The following CCDC146 variants were observed in gnomAD, a reference collection of about 807,000 sequenced individuals.
CCDC146 encodes the protein coiled-coil domain-containing protein 146.
Under a neutral mutation model 119.3 loss-of-function variants are expected in CCDC146, and 92 were observed. That is an observed-to-expected ratio of 0.77 (90% confidence interval 0.65 to 0.92). The LOEUF (loss-of-function observed/expected upper bound fraction) is 0.92. Among genes scored for constraint, CCDC146 ranks in the 40% least tolerant of loss-of-function variants. The probability of loss-of-function intolerance (pLI) is 0.00; values close to 1 mark genes in which losing one functional copy is unlikely to be tolerated. For synonymous variants in CCDC146, 372 were observed against 371.8 expected (o/e 1.00, Z -0.01); for missense variants, 1,000 against 1,103.0 (o/e 0.91, Z 1.32).
At chr7:77,138,720 C>T (rs1174941695) in intron 1 of CCDC146, among the ~76,000 whole-genome samples, 1 of 152,096 alleles carries the variant, frequency 6.6e-6, no homozygotes, top group African/African-American at 2.4e-5. Context: ...AAGACCTTAA[C>T]AAAAATCTCA....
intron 1 of CCDC146, among the ~76,000 whole-genome samples, chr7:77,127,848 C>T (rs1370816018): frequency 1.3e-5 from 2 of 152,034 alleles, no homozygotes; most frequent in African/African-American, 4.8e-5. Context: ...TATGCCTCTT[C>T]ATCTTTTCGT....
chr7:77,245,699 A>T (rs185798326), intron 4 of CCDC146, among the ~76,000 whole-genome samples: 1 of 152,276 alleles, frequency 6.6e-6, no homozygotes, highest in East Asian at 1.9e-4. Context: ...TCCAGTGCTG[A>T]TAGCAAAGTT....
Position 77,289,282 on chromosome 7 carries a change from G to C in CCDC146, c.2415+1705G>C, listed in dbSNP as rs563652228. On this transcript the variant is annotated intron_variant, in intron 17 of 18. Transcript: ENST00000285871. ...AGCTGATGGCAGAGTCGCCTGGAAGGCAACAGTAATGCTAAAGAAATGTAC... is the reference window on the plus strand; with the variant it reads ...AGCTGATGGCAGAGTCGCCTGGAAGCCAACAGTAATGCTAAAGAAATGTAC... 9.2e-5 allele frequency among the ~76,000 whole-genome samples: 14 copies of C among 152,328 alleles called. No individual in the cohort carries two copies. The South Asian group carries it at 1.2e-3, about 14-fold the overall frequency.
intron 1 of CCDC146, among the ~76,000 whole-genome samples, chr7:77,142,883 A>C (rs1241023609): frequency 6.6e-6 from 1 of 151,822 alleles, no homozygotes; most frequent in East Asian, 1.9e-4. Flanking sequence ...ATATGTGTGC[A>C]TGTGTCTTTA....
chr7:77,129,312 G>A (rs2539125), intron 1 of CCDC146, among the ~76,000 whole-genome samples: 11 of 151,950 alleles, frequency 7.2e-5, no homozygotes, highest in East Asian at 1.9e-4. Flanking sequence ...CTCAGTGCTC[G>A]TATTCAAGTA....
In CCDC146 at chr7:77,274,555, A is replaced by T. The variant is rs747551050; in HGVS notation, c.1343A>T (p.Gln448Leu). Residue 448 changes from glutamine to leucine, a missense_variant, in exon 11 of 19, where the codon CAA (glutamine) becomes CTA (leucine). Around this residue, in one of 2 missense-constraint regions of CCDC146, gnomAD observed 985 missense variants for 1,045.3 expected, o/e 0.94. Transcript: ENST00000285871. ...LAEENKLLKEQENMKELVVNL... is the reference protein window; with the variant it reads ...LAEENKLLKELENMKELVVNL... ...GAAGAAAACAAGCTTTTAAAGGAGCAAGAAAACATGAAAGAGCTAGTAGTC... is the reference window on the plus strand; with the variant it reads ...GAAGAAAACAAGCTTTTAAAGGAGCTAGAAAACATGAAAGAGCTAGTAGTC... 6.2e-7 allele frequency: 1 copy of T among 1,613,160 alleles called. No individual in the cohort carries two copies. Among genetic ancestry groups the T allele is most frequent in the Non-Finnish European group, 8.5e-7 (1 of 1,179,420 alleles).
At chr7:77,199,754 G>A (rs759522830) in intron 2 of CCDC146, 1 of 1,614,050 alleles carries the variant, frequency 6.2e-7, no homozygotes, top group Non-Finnish European at 8.5e-7. Flanking sequence ...TAAGTGGCAA[G>A]AACAGCTGAG....
intron 1 of CCDC146, among the ~76,000 whole-genome samples, chr7:77,143,692 G>GT (rs1389780903): frequency 6.6e-6 from 1 of 151,710 alleles, no homozygotes; most frequent in Non-Finnish European, 1.5e-5. Context: ...TCCATTGCTT[G>GT]TTTTGTCAGT....
chr7:77,294,801 C>T lies in CCDC146; in HGVS notation c.2803C>T (p.Pro935Ser). The T allele has an allele frequency of 8.1e-6, 13 of 1,614,114 alleles. No individual in the cohort carries two copies. The highest frequency in any genetic ancestry group is 1.1e-5 in the Non-Finnish European group (13 of 1,180,018). The change falls in exon 19 of 19, where the codon CCC becomes TCC. Residue 935 changes from proline (P) to serine (S), a missense_variant. Pro to Ser is a moderately conservative substitution (Grantham distance 74). This residue lies in a region of CCDC146 where 985 missense variants were observed against 1,045.3 expected (regional missense o/e 0.94). Coordinates refer to ENST00000285871, the MANE Select transcript of CCDC146 (RefSeq NM_020879.3). ...KPYGALAPFK[P>S]SEPGANMRHI... ...TTATGGTGCTTTGGCTCCTTTTAAA[C>T]CCAGTGAACCTGGAGCCAATATGAG...
At chr7:77,204,576 C>T (rs908733376) in intron 2 of CCDC146, among the ~76,000 whole-genome samples, 2 of 152,174 alleles carry the variant, frequency 1.3e-5, no homozygotes, top group African/African-American at 4.8e-5. Context: ...AATGAAACTA[C>T]AGAACATAGT....
chr7:77,282,309 C>A, intron 14 of CCDC146: 1 of 397,598 alleles, frequency 2.5e-6, no homozygotes, highest in East Asian at 4.0e-5. Context: ...TTGGGACTTT[C>A]AGAGACATTG....
At chr7:77,203,428 T>C (rs112536000) in intron 2 of CCDC146, among the ~76,000 whole-genome samples, 1 of 151,946 alleles carries the variant, frequency 6.6e-6, no homozygotes, top group African/African-American at 2.4e-5. Context: ...GGTATGAATA[T>C]TGACACAGAA....
chr7:77,129,493 A>T (rs1278669914), intron 1 of CCDC146, among the ~76,000 whole-genome samples: 1 of 152,104 alleles, frequency 6.6e-6, no homozygotes, highest in Non-Finnish European at 1.5e-5. Flanking sequence ...ATCTAAGGTT[A>T]GAATGAATCT....
chr7:77,262,711 A>G (rs948471014), intron 9 of CCDC146, among the ~76,000 whole-genome samples: 6 of 152,208 alleles, frequency 3.9e-5, no homozygotes, highest in Admixed American at 1.3e-4. Flanking sequence ...ACATAGACAT[A>G]AATGATCAGC....
chr7:77,148,566 A>G (rs191651839), intron 1 of CCDC146, among the ~76,000 whole-genome samples: 66 of 152,098 alleles, frequency 4.3e-4, no homozygotes, highest in African/African-American at 1.4e-3. Flanking sequence ...CCCTGATTGT[A>G]CATTTAGAAA....
intron 2 of CCDC146, among the ~76,000 whole-genome samples, chr7:77,180,673 A>G (rs927450293): frequency 6.6e-6 from 1 of 152,138 alleles, no homozygotes; most frequent in African/African-American, 2.4e-5. Context: ...ATTCCAGTCT[A>G]GGTGAGAGTG....
chr7:77,284,840 T>A (rs1247950029), intron 15 of CCDC146, among the ~76,000 whole-genome samples: 1 of 152,108 alleles, frequency 6.6e-6, no homozygotes, highest in African/African-American at 2.4e-5. Context: ...ATTCTGATTA[T>A]CTGCTCAGCA....
chr7:77,123,493 G>C (rs1790654541), intron 1 of CCDC146, among the ~76,000 whole-genome samples: 1 of 149,586 alleles, frequency 6.7e-6, no homozygotes, highest in Non-Finnish European at 1.5e-5. Flanking sequence ...TAAAATAATG[G>C]GAACAGAAAG....
At chr7:77,140,813 C>A (rs1790921589) in intron 1 of CCDC146, among the ~76,000 whole-genome samples, 1 of 152,088 alleles carries the variant, frequency 6.6e-6, no homozygotes. Context: ...TTTTAGTAGA[C>A]ACGTTGATAT....
Sources: gnomAD v4.1 joint callset for allele counts (sites outside exome capture counted in the v4.1 genomes callset) on GRCh38, gnomAD v4.1.1 for gene constraint, gnomAD v4.1.1 regional missense constraint, MANE v1.5 for transcripts, NCBI Gene and HGNC (gene_info 2026-07-23, HGNC 2026-07-21) for gene names.